The following RPS6KA2 variants were observed in gnomAD, a reference collection of about 807,000 sequenced individuals.
RPS6KA2 encodes ribosomal protein S6 kinase A2, also known as ribosomal protein S6 kinase alpha-2.
In RPS6KA2, 42 loss-of-function variants were observed where a neutral mutation model predicts 91.8. That is an observed-to-expected ratio of 0.46 (90% CI 0.36 to 0.59). RPS6KA2 has a LOEUF of 0.59. RPS6KA2 is among the 20% of genes least tolerant of loss of function. The probability of loss-of-function intolerance (pLI) is 0.00; values close to 1 mark genes in which losing one functional copy is unlikely to be tolerated. For synonymous variants in RPS6KA2, 414 were observed against 393.6 expected (o/e 1.05, Z -0.61); for missense variants, 798 against 978.5 (o/e 0.82, Z 2.46).
chr6:166,457,237 A>G (rs2128458893), intron 12 of RPS6KA2, among the ~76,000 whole-genome samples: 1 of 152,298 alleles, frequency 6.6e-6, no homozygotes, highest in South Asian at 2.1e-4. Context: ...CTCCTTTTAC[A>G]TTCAGGCCAA....
At position 166,792,804 on chromosome 6, in the gene RPS6KA2, G is replaced by A. The variant is rs536291991; in HGVS notation, c.123+65396C>T. 1.8e-4 allele frequency among the ~76,000 whole-genome samples: 28 copies of A among 152,200 alleles called. No individual in the cohort carries two copies. The South Asian group carries it at 5.4e-3, about 29-fold the overall frequency. ...AAAAGGCCTTTGACAAAATTAAACA[G>A]CCCTTCATGCTAAAAACTCTCAATA... On this transcript the variant is annotated intron_variant, in intron 2 of 21. Coordinates refer to the RPS6KA2 transcript ENST00000503859.
At chr6:166,413,292 C>T (rs189763319) in intron 20 of RPS6KA2, among the ~76,000 whole-genome samples, 1 of 152,294 alleles carries the variant, frequency 6.6e-6, no homozygotes, top group African/African-American at 2.4e-5. Flanking sequence ...ACTTTGGCCA[C>T]TGTTGAGGAG....
intron 2 of RPS6KA2, among the ~76,000 whole-genome samples, chr6:166,649,696 G>T (rs1247455817): frequency 6.6e-6 from 1 of 152,210 alleles, no homozygotes; most frequent in South Asian, 2.1e-4. Context: ...GCTCAGTAAA[G>T]GACCATGCAA....
At chr6:166,452,326 GCAAA>G (rs1779943019) in intron 12 of RPS6KA2, among the ~76,000 whole-genome samples, 1 of 151,900 alleles carries the variant, frequency 6.6e-6, no homozygotes, top group African/African-American at 2.4e-5. Flanking sequence ...TGTAGATGAC[GCAAA>G]CAAATGGAAA....
At chr6:166,528,761 G>T (rs946194837) in intron 3 of RPS6KA2, among the ~76,000 whole-genome samples, 29 of 151,752 alleles carry the variant, frequency 1.9e-4, no homozygotes, top group African/African-American at 5.8e-4. Context: ...GTGGGCAAAG[G>T]ATATGAACAG....
Position 166,554,652 on chromosome 6 carries a change from C to T in RPS6KA2, c.100-15868G>A, listed in dbSNP as rs1322702001. ...TCCCACTCCAGCACAGGACTCCATC[C>T]TCCTCCACTGCAGCCTGAAAGCAGG... On this transcript the variant is annotated intron_variant, in intron 1 of 20. Coordinates refer to ENST00000265678, the MANE Select transcript of RPS6KA2 (RefSeq NM_021135.6). This position sits in a 1 kb window ranked among gnomAD's most constrained non-coding sequence, Gnocchi z 4.3. Among the ~76,000 whole-genome samples, 2 of 152,262 alleles carry T rather than the reference C, an allele frequency of 1.3e-5. No homozygotes were observed. The highest frequency in any genetic ancestry group is 2.9e-5 in the Non-Finnish European group (2 of 68,052).
intron 2 of RPS6KA2, among the ~76,000 whole-genome samples, chr6:166,774,892 G>A (rs992907075): frequency 6.7e-6 from 1 of 148,578 alleles, no homozygotes; most frequent in African/African-American, 2.6e-5. Flanking sequence ...GGATCCCCAG[G>A]TGCTTCAATA....
At chr6:166,739,358 A>G (rs1790749239) in intron 2 of RPS6KA2, among the ~76,000 whole-genome samples, 1 of 152,248 alleles carries the variant, frequency 6.6e-6, no homozygotes, top group Admixed American at 6.5e-5. Context: ...CCCTCTAGGT[A>G]AGGATCCCTA....
chr6:166,476,906 G>A lies in RPS6KA2; in HGVS notation c.908-7001C>T, dbSNP rs772209503. 2.6e-5 allele frequency among the ~76,000 whole-genome samples: 4 copies of A among 152,218 alleles called. No homozygotes were observed. In the South Asian group the frequency reaches 8.3e-4, roughly 32 times the overall value. On this transcript the variant is annotated intron_variant, in intron 10 of 20. Transcript: ENST00000265678. ...GTGCGATTGCCTTGCATATCCATGC[G>A]AGGGCCCAGGGTTAGAACGAGGCCT...
At position 166,423,141 on chromosome 6, in the gene RPS6KA2, G is replaced by T; in HGVS notation, c.1743+115C>A. The T allele has an allele frequency of 9.3e-7, 1 of 1,078,116 alleles. No individual in the cohort carries two copies. Among genetic ancestry groups the T allele is most frequent in the Non-Finnish European group, 1.3e-6 (1 of 760,482 alleles). 66.8% of individuals were successfully genotyped at this position (1,078,116 alleles called of 1,614,324 possible). ...GTTTCTGTTTCCCAACACCACTGCT[G>T]ACGCAGCTCAAGCCGCCTCTGACAT... On this transcript the variant is annotated intron_variant, in intron 17 of 20. Transcript: ENST00000265678. This position sits in a 1 kb window ranked among gnomAD's most constrained non-coding sequence, Gnocchi z 4.8.
chr6:166,790,362 G>C (rs537896146), intron 2 of RPS6KA2, among the ~76,000 whole-genome samples: 33 of 152,216 alleles, frequency 2.2e-4, no homozygotes, highest in African/African-American at 7.5e-4. Flanking sequence ...ATGGGACTAC[G>C]TGAAAAGACC....
chr6:166,506,481 C>T (rs567598556), intron 5 of RPS6KA2, among the ~76,000 whole-genome samples: 2 of 152,316 alleles, frequency 1.3e-5, no homozygotes, highest in Non-Finnish European at 2.9e-5. Context: ...GGGCAGACAC[C>T]AGGCTCCAGC....
chr6:166,778,857 C>A (rs1451899330), intron 2 of RPS6KA2, among the ~76,000 whole-genome samples: 1 of 152,238 alleles, frequency 6.6e-6, no homozygotes, highest in Non-Finnish European at 1.5e-5. Context: ...ACAAACAGCA[C>A]CGTAAGCGCC....
chr6:166,676,753 C>T (rs755065023), intron 2 of RPS6KA2, among the ~76,000 whole-genome samples: 2 of 152,232 alleles, frequency 1.3e-5, no homozygotes, highest in South Asian at 4.1e-4. Context: ...CTGCTCCCAA[C>T]GTCTACATAT....
At chr6:166,560,683 G>A (rs796593463) in intron 1 of RPS6KA2, among the ~76,000 whole-genome samples, 7 of 152,270 alleles carry the variant, frequency 4.6e-5, no homozygotes, top group African/African-American at 1.7e-4. Context: ...GGGAGGGGAG[G>A]GAGGGCAGGC....
chr6:166,580,385 C>T (rs1784967193), intron 1 of RPS6KA2, among the ~76,000 whole-genome samples: 1 of 152,232 alleles, frequency 6.6e-6, no homozygotes, highest in African/African-American at 2.4e-5. Context: ...CAGAGGTGTC[C>T]AGTCTTTTGG....
intron 2 of RPS6KA2, among the ~76,000 whole-genome samples, chr6:166,696,986 A>G (rs901039948): frequency 6.6e-6 from 1 of 152,072 alleles, no homozygotes; most frequent in African/African-American, 2.4e-5. Context: ...AACTGCACAG[A>G]TCTTTGGACT....
At chr6:166,680,887 C>G (rs763894514) in intron 2 of RPS6KA2, among the ~76,000 whole-genome samples, 4 of 152,250 alleles carry the variant, frequency 2.6e-5, no homozygotes, top group Non-Finnish European at 5.9e-5. Flanking sequence ...GTTCAAACTT[C>G]AGTCAGATGC....
At chr6:166,530,581 G>A (rs553648484) in intron 3 of RPS6KA2, among the ~76,000 whole-genome samples, 28 of 152,306 alleles carry the variant, frequency 1.8e-4, no homozygotes, top group East Asian at 1.4e-3. Flanking sequence ...GTGTTCAATC[G>A]CCTAATGCTG....
Sources: gnomAD v4.1 joint callset for allele counts (sites outside exome capture counted in the v4.1 genomes callset) on GRCh38, gnomAD v4.1.1 for gene constraint, Gnocchi (gnomAD v3.1) non-coding constraint, MANE v1.5 for transcripts, NCBI Gene and HGNC (gene_info 2026-07-23, HGNC 2026-07-21) for gene names.